The following ROBO2 variants were observed in gnomAD, a reference collection of about 807,000 sequenced individuals.
The protein encoded by ROBO2 is roundabout homolog 2.
ROBO2 carries 53 observed loss-of-function variants against 160.8 expected under a neutral mutation model. The ratio of observed to expected loss-of-function variants is 0.33; its 90% CI spans 0.26 to 0.41. The LOEUF (loss-of-function observed/expected upper bound fraction) is 0.41. ROBO2 is among the 10% of genes least tolerant of loss of function. The pLI is 1.00. For synonymous variants in ROBO2, 664 were observed against 611.7 expected, an observed-to-expected ratio of 1.09 and a Z score of -1.26; for missense variants, 1,577 against 1,722.4, an observed-to-expected ratio of 0.92 and a Z score of 1.49.
At chr3:77,210,998 T>A (rs1457937556) in intron 2 of ROBO2, among the ~76,000 whole-genome samples, 4 of 152,192 alleles carry the variant, frequency 2.6e-5, no homozygotes, top group African/African-American at 9.6e-5. Flanking sequence ...TTGTTGGACA[T>A]TTGGGTTGGT....
At chr3:77,096,985 T>A (rs2071166543) in intron 1 of ROBO2, among the ~76,000 whole-genome samples, 1 of 152,240 alleles carries the variant, frequency 6.6e-6, no homozygotes, top group Non-Finnish European at 1.5e-5. Flanking sequence ...TCTTCGTGTC[T>A]CCGTTGCTAT....
At chr3:77,427,441 A>C (rs2078318826) in intron 2 of ROBO2, among the ~76,000 whole-genome samples, 1 of 152,182 alleles carries the variant, frequency 6.6e-6, no homozygotes, top group Non-Finnish European at 1.5e-5. Flanking sequence ...TAATTTGTAG[A>C]AGTTCACGTA....
At chr3:76,639,613 T>G (rs951417333) in intron 2 of ROBO2, among the ~76,000 whole-genome samples, 4 of 152,030 alleles carry the variant, frequency 2.6e-5, no homozygotes, top group Non-Finnish European at 5.9e-5. Flanking sequence ...CTTTAAAAAG[T>G]ACACACTTCA....
chr3:76,905,735 G>A (rs1456613654), intron 2 of ROBO2, among the ~76,000 whole-genome samples: 1 of 152,014 alleles, frequency 6.6e-6, no homozygotes, highest in Non-Finnish European at 1.5e-5. Flanking sequence ...AGTTTTTCTC[G>A]ACATAAATTA....
At chr3:77,261,114 G>A (rs554455342) in intron 2 of ROBO2, among the ~76,000 whole-genome samples, 1 of 152,250 alleles carries the variant, frequency 6.6e-6, no homozygotes, top group South Asian at 2.1e-4. Context: ...ATAGCGTATG[G>A]GAAAGCAATT....
In ROBO2 at chr3:76,898,503, G is replaced by A. The variant is rs183503058; in HGVS notation, c.110-199511G>A. On this transcript the variant is annotated intron_variant, in intron 2 of 26. Transcript: ENST00000487694. ...ATTCATAATATCTACATCTAATTGC[G>A]ATATTTGTAAAACACATTTTTAATA... Among the ~76,000 whole-genome samples the A allele has an allele frequency of 4.0e-4, 61 of 152,026 alleles. No individual in the cohort carries two copies. The East Asian group carries it at 0.011, about 28-fold the overall frequency.
intron 2 of ROBO2, among the ~76,000 whole-genome samples, chr3:76,353,042 G>A (rs1027282472): frequency 3.3e-5 from 5 of 151,976 alleles, no homozygotes; most frequent in South Asian, 2.1e-4. Flanking sequence ...AGCAGTCACC[G>A]TCAGCATAGT....
intron 5 of ROBO2, among the ~76,000 whole-genome samples, chr3:77,505,825 G>T (rs2088429137): frequency 6.6e-6 from 1 of 152,050 alleles, no homozygotes. Flanking sequence ...AGAGAGATTT[G>T]AATCCAAATC....
chr3:76,464,530 G>T (rs1208526686), intron 2 of ROBO2, among the ~76,000 whole-genome samples: 3 of 151,604 alleles, frequency 2.0e-5, no homozygotes, highest in East Asian at 3.9e-4. Context: ...AAACCCCAGA[G>T]TCAGTTTCTT....
chr3:76,139,186 C>A (rs1325069379), intron 2 of ROBO2, among the ~76,000 whole-genome samples: 1 of 152,034 alleles, frequency 6.6e-6, no homozygotes, highest in Non-Finnish European at 1.5e-5. Context: ...ATCAAGCATT[C>A]CTTTAGATAT....
intron 2 of ROBO2, among the ~76,000 whole-genome samples, chr3:76,499,666 A>G (rs1007475173): frequency 6.6e-6 from 1 of 152,210 alleles, no homozygotes; most frequent in African/African-American, 2.4e-5. Context: ...CTATTCGACC[A>G]AACACTGAAA....
chr3:76,119,512 T>C (rs986028807), intron 2 of ROBO2, among the ~76,000 whole-genome samples: 1 of 152,060 alleles, frequency 6.6e-6, no homozygotes, highest in Non-Finnish European at 1.5e-5. Context: ...TTAATGGTTT[T>C]ATATAATTAT....
intron 2 of ROBO2, among the ~76,000 whole-genome samples, chr3:76,884,732 A>G (rs1186971655): frequency 5.9e-5 from 9 of 152,204 alleles, no homozygotes; most frequent in Non-Finnish European, 7.4e-5. Context: ...TTATATTTTA[A>G]TCTTTTTAAT....
chr3:75,989,086 T>A (rs1042360465), intron 2 of ROBO2, among the ~76,000 whole-genome samples: 1 of 152,088 alleles, frequency 6.6e-6, no homozygotes, highest in African/African-American at 2.4e-5. Flanking sequence ...CCATGAAGTA[T>A]TGCATTATTA....
chr3:77,024,487 C>T (rs567277608), intron 2 of ROBO2, among the ~76,000 whole-genome samples: 6 of 152,068 alleles, frequency 3.9e-5, no homozygotes, highest in South Asian at 2.1e-4. Context: ...TTTGTGTATT[C>T]CATGAACATA....
At chr3:76,313,845 T>C (rs2071774616) in intron 2 of ROBO2, among the ~76,000 whole-genome samples, 1 of 152,124 alleles carries the variant, frequency 6.6e-6, no homozygotes, top group Admixed American at 6.6e-5. Flanking sequence ...CTTGACAATT[T>C]CCATTTTTGT....
chr3:77,385,753 C>A (rs1368567727), intron 2 of ROBO2, among the ~76,000 whole-genome samples: 1 of 152,086 alleles, frequency 6.6e-6, no homozygotes, highest in Non-Finnish European at 1.5e-5. Flanking sequence ...AAGTTCCTGC[C>A]GCACAGTAAG....
At chr3:76,240,783 G>A (rs533683694) in intron 2 of ROBO2, among the ~76,000 whole-genome samples, 1 of 152,210 alleles carries the variant, frequency 6.6e-6, no homozygotes, top group East Asian at 1.9e-4. Flanking sequence ...GTTGTGGAAT[G>A]ATCAGAAATT....
At chr3:77,164,959 G>A (rs1429554379) in intron 2 of ROBO2, among the ~76,000 whole-genome samples, 1 of 148,034 alleles carries the variant, frequency 6.8e-6, no homozygotes, top group African/African-American at 2.5e-5. Flanking sequence ...CCCCCAACCC[G>A]GCCAGCCGCC....
Sources: allele counts gnomAD v4.1 joint callset (sites outside exome capture counted in the v4.1 genomes callset), GRCh38; gene constraint gnomAD v4.1.1; transcripts MANE v1.5; gene names NCBI Gene and HGNC (gene_info 2026-07-23, HGNC 2026-07-21).